The following MED12L variants were observed in gnomAD, a reference collection of about 807,000 sequenced individuals.
MED12L encodes the protein mediator complex subunit 12L.
A neutral mutation model predicts 281.3 loss-of-function variants in MED12L; 60 were observed. The ratio of observed to expected loss-of-function variants is 0.21; its 90% confidence interval spans 0.17 to 0.26. MED12L has a LOEUF of 0.26. MED12L is among the 10% of genes least tolerant of loss of function. The probability of loss-of-function intolerance (pLI) is 1.00; values close to 1 mark genes in which losing one functional copy is unlikely to be tolerated. For synonymous variants in MED12L, 974 were observed against 987.2 expected, an observed-to-expected ratio of 0.99 and a Z score of 0.25; for missense variants, 2,146 against 2,680.9, an observed-to-expected ratio of 0.80 and a Z score of 4.41.
chr3:151,278,567 T>C (rs1057005063), intron 16 of MED12L: 1 of 152,250 alleles, frequency 6.6e-6, no homozygotes, highest in Non-Finnish European at 1.5e-5. Flanking sequence ...CCTCCAGTAA[T>C]GCAAAAACAG....
chr3:151,130,302 T>C (rs2148814291), intron 5 of MED12L, among the ~76,000 whole-genome samples: 1 of 152,210 alleles, frequency 6.6e-6, no homozygotes, highest in East Asian at 1.9e-4. Flanking sequence ...TTGTCATTCC[T>C]GGTATTTATC....
At chr3:151,257,678 T>C (rs757830398) in intron 16 of MED12L, among the ~76,000 whole-genome samples, 22 of 152,252 alleles carry the variant, frequency 1.4e-4, no homozygotes, top group Non-Finnish European at 2.2e-4. Context: ...GTGTGGGCTT[T>C]CATACCATCT....
At chr3:151,308,406 G>A (rs993403495) in intron 16 of MED12L, among the ~76,000 whole-genome samples, 1 of 151,956 alleles carries the variant, frequency 6.6e-6, no homozygotes, top group Admixed American at 6.6e-5. Context: ...TTCCATATAG[G>A]TAACTTCTGG....
chr3:151,308,203 C>G (rs1181163020), intron 16 of MED12L, among the ~76,000 whole-genome samples: 2 of 151,984 alleles, frequency 1.3e-5, no homozygotes, highest in African/African-American at 4.8e-5. Flanking sequence ...AATAAAAATA[C>G]ACTTTTTAAC....
At chr3:151,246,290 C>A (rs901388488) in intron 16 of MED12L, among the ~76,000 whole-genome samples, 5 of 151,966 alleles carry the variant, frequency 3.3e-5, no homozygotes, top group Admixed American at 6.6e-5. Flanking sequence ...CATATGGAAC[C>A]AAAAAAGAGC....
At chr3:151,150,236 C>CT (rs1226193631) in intron 5 of MED12L, among the ~76,000 whole-genome samples, 1 of 152,184 alleles carries the variant, frequency 6.6e-6, no homozygotes, top group African/African-American at 2.4e-5. Context: ...TGATCATGGG[C>CT]TACAGAATGG....
At chr3:151,218,856 G>A (rs1728753807) in intron 16 of MED12L, among the ~76,000 whole-genome samples, 1 of 96,964 alleles carries the variant, frequency 1.0e-5, no homozygotes, top group South Asian at 4.2e-4. Context: ...GACAGAGCAA[G>A]ACTCAGTCTC....
At chr3:151,263,986 C>T (rs777992319) in intron 16 of MED12L, among the ~76,000 whole-genome samples, 1 of 152,226 alleles carries the variant, frequency 6.6e-6, no homozygotes, top group Non-Finnish European at 1.5e-5. Flanking sequence ...ACCACCACTC[C>T]TTCCCTCTCC....
intron 21 of MED12L, among the ~76,000 whole-genome samples, chr3:151,363,918 T>C (rs964404607): frequency 1.3e-5 from 2 of 152,092 alleles, no homozygotes; most frequent in Non-Finnish European, 2.9e-5. Flanking sequence ...GTGGCAATAG[T>C]TTAGAATAGA....
At chr3:151,121,047 T>G (rs1471901488) in intron 3 of MED12L, among the ~76,000 whole-genome samples, 1 of 152,222 alleles carries the variant, frequency 6.6e-6, no homozygotes, top group Non-Finnish European at 1.5e-5. Flanking sequence ...GCTCTGCTTG[T>G]TATTATTAAA....
At chr3:151,342,388 T>C (rs1751973796) in intron 16 of MED12L, among the ~76,000 whole-genome samples, 1 of 152,236 alleles carries the variant, frequency 6.6e-6, no homozygotes, top group African/African-American at 2.4e-5. Context: ...GCGTTTTGAG[T>C]ATTTGTCTAT....
chr3:151,169,589 A>G lies in MED12L; in HGVS notation c.1494+3607A>G, dbSNP rs1409288833. 2.6e-5 allele frequency among the ~76,000 whole-genome samples: 4 copies of G among 152,094 alleles called. No homozygotes were observed. The East Asian group carries it at 7.7e-4, about 29-fold the overall frequency. On this transcript the variant is annotated intron_variant, in intron 11 of 44. Coordinates refer to ENST00000687756, the MANE Select transcript of MED12L (RefSeq NM_001393769.1). The stretch of plus-strand genomic sequence containing the variant: ...AGAGTACTTGCCCTTTTTTTCTCTA[A>G]GGAAACATGAACACTTTGAGAATTA...
At chr3:151,219,869 G>T (rs1469999589) in intron 16 of MED12L, among the ~76,000 whole-genome samples, 3 of 138,354 alleles carry the variant, frequency 2.2e-5, no homozygotes, top group African/African-American at 8.4e-5. Context: ...GCATGAAGTG[G>T]TTTTGGTTAT....
Position 151,134,736 on chromosome 3 carries a change from T to C in MED12L, c.556+6752T>C, listed in dbSNP as rs552935916. 2.6e-5 allele frequency among the ~76,000 whole-genome samples: 4 copies of C among 152,324 alleles called. No homozygotes were observed. The South Asian group carries it at 6.2e-4, about 24-fold the overall frequency. ...CTAGGAGGACACAGCTGGAGTGGGC[T>C]GTTGTTCAGGGAAGGGCATTTCTGA... On this transcript the variant is annotated intron_variant, in intron 5 of 44. Coordinates refer to ENST00000687756, the MANE Select transcript of MED12L (RefSeq NM_001393769.1).
chr3:151,128,323 T>G (rs1347919322), intron 5 of MED12L, among the ~76,000 whole-genome samples: 1 of 152,240 alleles, frequency 6.6e-6, no homozygotes, highest in Non-Finnish European at 1.5e-5. Context: ...CTTTTGCTCC[T>G]TACATTGTAT....
At chr3:151,176,504 C>A (rs1335599499) in intron 11 of MED12L, among the ~76,000 whole-genome samples, 1 of 152,020 alleles carries the variant, frequency 6.6e-6, no homozygotes, top group Non-Finnish European at 1.5e-5. Flanking sequence ...GCATAATATT[C>A]TACAGGATTT....
intron 16 of MED12L, among the ~76,000 whole-genome samples, chr3:151,271,931 T>C (rs1342551406): frequency 6.6e-6 from 1 of 152,216 alleles, no homozygotes; most frequent in East Asian, 1.9e-4. Context: ...GTGGTGATTA[T>C]ATGGTGTCAA....
chr3:151,125,426 T>G (rs981607094), intron 4 of MED12L, among the ~76,000 whole-genome samples: 2 of 152,214 alleles, frequency 1.3e-5, no homozygotes, highest in African/African-American at 4.8e-5. Context: ...GTTTGCTGTC[T>G]CATCTAAACA....
chr3:151,215,888 C>G (rs566585720), intron 16 of MED12L, among the ~76,000 whole-genome samples: 3 of 152,190 alleles, frequency 2.0e-5, no homozygotes, highest in African/African-American at 7.2e-5. Context: ...TTCTCTCAGC[C>G]TGGACCTTTG....
Sources: allele counts gnomAD v4.1 joint callset (sites outside exome capture counted in the v4.1 genomes callset), GRCh38; gene constraint gnomAD v4.1.1; transcripts MANE v1.5; gene names NCBI Gene and HGNC (gene_info 2026-07-23, HGNC 2026-07-21).